Variants in HSF2BP observed in about 807,000 individuals in gnomAD.
HSF2BP encodes the protein heat shock factor 2-binding protein.
HSF2BP carries 35 observed loss-of-function variants against 35.0 expected under a neutral mutation model. The ratio of observed to expected loss-of-function variants is 1.00; its 90% CI spans 0.76 to 1.32. The LOEUF is 1.32. Ranked by LOEUF, HSF2BP falls within the 40% of genes most tolerant of loss-of-function variation. The pLI is 0.00. For missense variants in HSF2BP, 326 were observed against 321.7 expected (o/e 1.01, Z -0.10); for synonymous variants, 114 against 117.4 (o/e 0.97, Z 0.18).
At chr21:43,576,350 T>C (rs1297519041) in intron 8 of HSF2BP, among the ~76,000 whole-genome samples, 1 of 152,114 alleles carries the variant, frequency 6.6e-6, no homozygotes, top group African/African-American at 2.4e-5. Flanking sequence ...TACTAGTCAT[T>C]ACTAGTGGTT....
chr21:43,599,762 A>G (rs1309019640), intron 7 of HSF2BP, among the ~76,000 whole-genome samples: 1 of 151,872 alleles, frequency 6.6e-6, no homozygotes, highest in East Asian at 1.9e-4. Context: ...CCACTGTACT[A>G]CAGCCTGGGC....
At chr21:43,596,973 G>T (rs898537691) in intron 7 of HSF2BP, among the ~76,000 whole-genome samples, 3 of 151,706 alleles carry the variant, frequency 2.0e-5, no homozygotes, top group African/African-American at 7.3e-5. Flanking sequence ...ACCAGGCAGC[G>T]ACCCTCAATC....
intron 6 of HSF2BP, among the ~76,000 whole-genome samples, chr21:43,629,777 T>C (rs117479174): frequency 0.011 from 1,727 of 152,302 alleles, 17 homozygotes; most frequent in Non-Finnish European, 0.019. Flanking sequence ...TAAGACATTG[T>C]TGAAATAAGA....
At chr21:43,631,978 GCTCCCCACACACACA>G (rs1157896504) in intron 5 of HSF2BP, among the ~76,000 whole-genome samples, 31 of 15,896 alleles carry the variant, frequency 2.0e-3, no homozygotes, top group African/African-American at 0.011. Flanking sequence ...CCCCACACAC[GCTCCCCACACACACA>G]CTCCCACACA....
intron 8 of HSF2BP, among the ~76,000 whole-genome samples, chr21:43,577,991 CA>C (rs957774724): frequency 4.6e-5 from 7 of 152,176 alleles, no homozygotes; most frequent in Admixed American, 1.3e-4. Flanking sequence ...CCGCCTATCC[CA>C]AACCTATAAG....
intron 7 of HSF2BP, among the ~76,000 whole-genome samples, chr21:43,604,735 A>T (rs1446443818): frequency 7.0e-6 from 1 of 141,930 alleles, no homozygotes; most frequent in African/African-American, 2.7e-5. Context: ...CATACACCAC[A>T]CACACACCAC....
At chr21:43,596,052 C>T (rs534974259) in intron 7 of HSF2BP, among the ~76,000 whole-genome samples, 1 of 151,926 alleles carries the variant, frequency 6.6e-6, no homozygotes, top group Non-Finnish European at 1.5e-5. Context: ...AAGTTCAGTT[C>T]ATCAGGAGGG....
intron 4 of HSF2BP, among the ~76,000 whole-genome samples, chr21:43,635,546 A>G (rs923255236): frequency 2.0e-5 from 3 of 152,230 alleles, no homozygotes; most frequent in Admixed American, 2.0e-4. Context: ...AATGCAATTC[A>G]ATGGAAAAAG....
intron 4 of HSF2BP, among the ~76,000 whole-genome samples, chr21:43,641,915 C>CAA (rs60587366): frequency 0.04 from 4,599 of 113,872 alleles, 145 homozygotes; most frequent in Middle Eastern, 0.077. Flanking sequence ...GACTCTGTCT[C>CAA]AAAAAAAAAA....
chr21:43,623,925 G>C (rs767251709), intron 6 of HSF2BP, among the ~76,000 whole-genome samples: 4 of 152,170 alleles, frequency 2.6e-5, no homozygotes, highest in Non-Finnish European at 5.9e-5. Context: ...CTCTCCTAGA[G>C]ATCAAGGTAC....
rs191923148 is a variant in HSF2BP, at chr21:43,629,782, A to G, written c.574+540T>C. 3.3e-5 allele frequency among the ~76,000 whole-genome samples: 5 copies of G among 152,354 alleles called. No individual in the cohort carries two copies. The East Asian group carries it at 9.6e-4, about 29-fold the overall frequency. ...GTGAAGATGCTAAGACATTGTTGAA[A>G]TAAGAACAAGAGATTCAGAATATTA... On this transcript the variant is annotated intron_variant, in intron 6 of 8. Coordinates refer to ENST00000291560, the MANE Select transcript of HSF2BP (RefSeq NM_007031.2).
At chr21:43,588,062 A>G (rs1199799007) in intron 8 of HSF2BP, among the ~76,000 whole-genome samples, 2 of 152,170 alleles carry the variant, frequency 1.3e-5, no homozygotes, top group African/African-American at 4.8e-5. Flanking sequence ...AGCCAGACCT[A>G]ATGTCAACTA....
chr21:43,636,795 G>A (rs28782771), intron 4 of HSF2BP, among the ~76,000 whole-genome samples: 6,201 of 151,368 alleles, frequency 0.041, 431 homozygotes, highest in African/African-American at 0.14. Context: ...AGGAGGCTGA[G>A]GCAGAAGAAT....
intron 8 of HSF2BP, among the ~76,000 whole-genome samples, chr21:43,574,436 C>CAAG (rs2146669815): frequency 6.6e-6 from 1 of 152,186 alleles, no homozygotes; most frequent in East Asian, 1.9e-4. Flanking sequence ...CGGATCACCG[C>CAAG]AAGCTCCACC....
intron 7 of HSF2BP, among the ~76,000 whole-genome samples, chr21:43,612,672 A>T (rs1185520910): frequency 6.7e-6 from 1 of 148,746 alleles, no homozygotes; most frequent in Non-Finnish European, 1.5e-5. Flanking sequence ...AAAAAAAAAA[A>T]GTGCTCCACA....
Position 43,597,328 on chromosome 21 carries a change from G to A in HSF2BP, c.693-5000C>T, listed in dbSNP as rs1294441302. Among the ~76,000 whole-genome samples, 1 of 152,092 alleles carries A rather than the reference G, an allele frequency of 6.6e-6. No individual in the cohort carries two copies. The highest frequency in any genetic ancestry group is 2.4e-5 in the African/African-American group (1 of 41,390). ...CCAGAGCCCCCACAACCTACCTTCTGCCACCTCCAGTACACATGCTATCAA... is the reference window on the plus strand; with the variant it reads ...CCAGAGCCCCCACAACCTACCTTCTACCACCTCCAGTACACATGCTATCAA... On this transcript the variant is annotated intron_variant, in intron 7 of 8. Coordinates refer to ENST00000291560, the MANE Select transcript of HSF2BP (RefSeq NM_007031.2). This position sits in a 1 kb window ranked among gnomAD's most constrained non-coding sequence, Gnocchi z 4.3.
intron 5 of HSF2BP, among the ~76,000 whole-genome samples, chr21:43,632,069 C>CCCAA (rs1465520487): frequency 3.8e-4 from 6 of 15,604 alleles, no homozygotes; most frequent in African/African-American, 2.7e-3. Context: ...CACACGCTCC[C>CCCAA]ACATACACAC....
chr21:43,574,676 T>C (rs1293800360), intron 8 of HSF2BP, among the ~76,000 whole-genome samples: 1 of 152,100 alleles, frequency 6.6e-6, no homozygotes, highest in African/African-American at 2.4e-5. Context: ...TTTTCAATTC[T>C]GGTAAAAGCT....
intron 4 of HSF2BP, among the ~76,000 whole-genome samples, chr21:43,639,128 C>T (rs2082603318): frequency 6.6e-6 from 1 of 152,174 alleles, no homozygotes; most frequent in African/African-American, 2.4e-5. Context: ...ACTTAATCCT[C>T]ATACCTTCTA....
Sources: allele counts gnomAD v4.1 joint callset (sites outside exome capture counted in the v4.1 genomes callset), GRCh38; gene constraint gnomAD v4.1.1; non-coding constraint Gnocchi (gnomAD v3.1); transcripts MANE v1.5; gene names NCBI Gene and HGNC (gene_info 2026-07-23, HGNC 2026-07-21).